SSUH2: variants seen among roughly 807,000 people sequenced by gnomAD.
The protein encoded by SSUH2 is ssu-2 homolog, also known as protein SSUH2 homolog.
SSUH2 carries 47 observed loss-of-function variants against 55.3 expected under a neutral mutation model. That is an observed-to-expected ratio of 0.85 (90% CI 0.67 to 1.08). SSUH2 has a LOEUF of 1.08. SSUH2 is among the 50% of genes least tolerant of loss of function. The probability of loss-of-function intolerance (pLI) is 0.00; values close to 1 mark genes in which losing one functional copy is unlikely to be tolerated. For missense variants in SSUH2, 535 were observed against 490.7 expected, an observed-to-expected ratio of 1.09 and a Z score of -0.85; for synonymous variants, 212 against 191.5, an observed-to-expected ratio of 1.11 and a Z score of -0.89.
At chr3:8,649,790 C>T (rs987586223), upstream of SSUH2, among the ~76,000 whole-genome samples, 7 of 152,054 alleles carry the variant, frequency 4.6e-5, no homozygotes, top group African/African-American at 1.7e-4. Context: ...CTGACAAAGC[C>T]CATGCTCAAT....
intron 5 of SSUH2, among the ~76,000 whole-genome samples, chr3:8,665,478 G>A (rs1434139601): frequency 6.6e-6 from 1 of 152,160 alleles, no homozygotes; most frequent in East Asian, 1.9e-4. Flanking sequence ...AAAATTTAAT[G>A]CAACTTCCAC....
rs145423005 is a variant in SSUH2 at position 8,669,145 on chromosome 3, C to A, written c.-455+1853G>T. On this transcript the variant is annotated intron_variant, in intron 5 of 18. Coordinates refer to the SSUH2 transcript ENST00000317371. ...AAACAACAAAATAAAAAGCGGTGGA[C>A]AACAATTTTAATTATTTGTACTCTG... 7.9e-3 allele frequency among the ~76,000 whole-genome samples: 1,199 copies of A among 152,208 alleles called. 17 individuals are homozygous for A. Among genetic ancestry groups the A allele is most frequent in the African/African-American group, 0.027 (1,132 of 41,520 alleles).
chr3:8,678,631 GGGACCC>G lies in SSUH2; in HGVS notation c.-901+1068_-901+1073del, dbSNP rs1559564879. Among the ~76,000 whole-genome samples the G allele has an allele frequency of 1.2e-4, 4 of 33,014 alleles. 1 individual carries two copies. Among genetic ancestry groups the G allele is most frequent in the Non-Finnish European group, 1.7e-4 (3 of 17,268 alleles). The allele number at this position is 33,014 out of a possible 152,430, so 21.7% of individuals were successfully genotyped here. On this transcript the variant is annotated intron_variant, in intron 2 of 18. Transcript: ENST00000317371. The stretch of plus-strand genomic sequence containing the variant: ...CAGCCCTTCTTCCCCCCCGGCTTTT[GGGACCC>G]CCATCGCAGTGGGGGGAGGCACCCC...
chr3:8,676,224 G>C (rs1476496736), intron 3 of SSUH2, among the ~76,000 whole-genome samples: 1 of 151,912 alleles, frequency 6.6e-6, no homozygotes, highest in Non-Finnish European at 1.5e-5. Flanking sequence ...TCGGTGTACA[G>C]AGGGTGTACA....
chr3:8,619,962 C>T lies in SSUH2; in HGVS notation c.1034G>A (p.Gly345Glu). Reference protein sequence around the residue: ...PLTEVHYWYQGKTYVYYIYGT... With the variant: ...PLTEVHYWYQEKTYVYYIYGT... ...ATAGATGTAGTAGACATAAGTCTTT[C>T]CTTGGTACCAATAGTGAACTTCTGT... Residue 345 changes from glycine (G) to glutamate (E), a missense_variant, in exon 12 of 12, where the codon GGA (glycine) becomes GAA (glutamate). Gly to Glu is a moderately conservative substitution (Grantham distance 98). Coordinates refer to ENST00000544814, the MANE Select transcript of SSUH2 (RefSeq NM_001256748.3). The T allele has an allele frequency of 6.2e-7, 1 of 1,614,168 alleles. No individual in the cohort carries two copies. The highest frequency in any genetic ancestry group is 8.5e-7 in the Non-Finnish European group (1 of 1,180,030).
At chr3:8,680,345 G>A (rs1705861970) in intron 1 of SSUH2, among the ~76,000 whole-genome samples, 1 of 150,908 alleles carries the variant, frequency 6.6e-6, no homozygotes, top group Non-Finnish European at 1.5e-5. Context: ...AGGATCCAAG[G>A]TGGACTCACA....
At chr3:8,645,646 C>T (rs112653715), upstream of SSUH2, among the ~76,000 whole-genome samples, 874 of 152,254 alleles carry the variant, frequency 5.7e-3, 16 homozygotes, top group African/African-American at 0.02. Flanking sequence ...AACTGCCCTA[C>T]GCCTTGACTT....
intron 2 of SSUH2, 81 bp downstream of exon 2, chr3:8,635,678 C>A: frequency 7.6e-7 from 1 of 1,311,474 alleles, no homozygotes; most frequent in Non-Finnish European, 1.0e-6. Context: ...TATCTCAGCA[C>A]CACCTTTTTC....
At chr3:8,650,023 A>G (rs1345606656) in intron 7 of SSUH2, among the ~76,000 whole-genome samples, 2 of 152,106 alleles carry the variant, frequency 1.3e-5, no homozygotes, top group African/African-American at 4.8e-5. Flanking sequence ...GGTCACACCA[A>G]GCACATTCCC....
chr3:8,679,160 A>G (rs1705739998), intron 2 of SSUH2, among the ~76,000 whole-genome samples: 1 of 69,056 alleles, frequency 1.4e-5, no homozygotes, highest in South Asian at 7.8e-4. Context: ...GCGGGGACTG[A>G]GAGGCAGCCG....
chr3:8,677,333 T>G (rs1175393881), exon 3 of SSUH2: 1 of 151,272 alleles, frequency 6.6e-6, no homozygotes, highest in Non-Finnish European at 1.5e-5. Context: ...AGAAAGCAGG[T>G]CATTTGCAAT....
chr3:8,638,809 G>A (rs779342336), intron 1 of SSUH2, among the ~76,000 whole-genome samples: 6 of 152,146 alleles, frequency 3.9e-5, no homozygotes, highest in Non-Finnish European at 8.8e-5. Context: ...TAGAAAGACT[G>A]TCACAGCCCT....
chr3:8,646,414 C>A (rs1241411588), upstream of SSUH2, among the ~76,000 whole-genome samples: 1 of 152,134 alleles, frequency 6.6e-6, no homozygotes, highest in Admixed American at 6.5e-5. Context: ...TCAAATTGAA[C>A]AAAATGTTGA....
At chr3:8,628,372 T>G (rs979491792) in intron 7 of SSUH2, among the ~76,000 whole-genome samples, 1 of 152,092 alleles carries the variant, frequency 6.6e-6, no homozygotes, top group Non-Finnish European at 1.5e-5. Flanking sequence ...GCGAGAAGTT[T>G]GGTTTTACCC....
chr3:8,678,504 C>A (rs201686041), intron 2 of SSUH2, among the ~76,000 whole-genome samples: 7 of 138,888 alleles, frequency 5.0e-5, no homozygotes, highest in Non-Finnish European at 9.8e-5. Flanking sequence ...TGAGGCACCC[C>A]CCGCGAGGCG....
At chr3:8,631,460 A>G (rs1698756622) in intron 5 of SSUH2, among the ~76,000 whole-genome samples, 1 of 152,158 alleles carries the variant, frequency 6.6e-6, no homozygotes, top group Non-Finnish European at 1.5e-5. Context: ...GAGTTGCATA[A>G]AGGGCTCTGA....
chr3:8,642,536 G>C (rs1262400004), intron 1 of SSUH2, among the ~76,000 whole-genome samples: 1 of 152,254 alleles, frequency 6.6e-6, no homozygotes, highest in Non-Finnish European at 1.5e-5. Flanking sequence ...TGCTGCCCTG[G>C]TCAGGGATGC....
chr3:8,676,825 G>C lies in SSUH2; in HGVS notation c.-753+381C>G, dbSNP rs551601202. The stretch of plus-strand genomic sequence containing the variant: ...CCAGTGAGGCGGGGACTGAGAGCCA[G>C]CCCCTCTTCCCCACCTGGCCCTTAG... On this transcript the variant is annotated intron_variant, in intron 3 of 18. Transcript: ENST00000317371. Among the ~76,000 whole-genome samples the C allele has an allele frequency of 4.4e-4, 65 of 147,514 alleles. 5 individuals carry two copies. In the East Asian group the frequency reaches 7.2e-3, roughly 16 times the overall value.
chr3:8,637,882 A>G (rs1700177605), intron 1 of SSUH2, among the ~76,000 whole-genome samples: 1 of 152,138 alleles, frequency 6.6e-6, no homozygotes, highest in Admixed American at 6.5e-5. Context: ...GGAGGAACCT[A>G]TTTAAAGCCC....
Sources: gnomAD v4.1 joint callset for allele counts (sites outside exome capture counted in the v4.1 genomes callset) on GRCh38, gnomAD v4.1.1 for gene constraint, MANE v1.5 for transcripts, NCBI Gene and HGNC (gene_info 2026-07-23, HGNC 2026-07-21) for gene names.